MRPL28: variants seen among roughly 807,000 people sequenced by gnomAD.
MRPL28 encodes the protein mitochondrial ribosomal protein L28.
In MRPL28, 25 loss-of-function variants were observed where a neutral mutation model predicts 26.2. That is an observed-to-expected ratio of 0.95 (90% confidence interval 0.69 to 1.33). The LOEUF (loss-of-function observed/expected upper bound fraction) is 1.33. MRPL28 is among the 40% of genes most tolerant of loss of function. The pLI is 0.00. For synonymous variants in MRPL28, 227 were observed against 140.1 expected (o/e 1.62, Z -4.38); for missense variants, 432 against 327.2 (o/e 1.32, Z -2.47).
chr16:368,890 G>T, intron 3 of MRPL28, 178 bp downstream of exon 3: 3 of 1,019,644 alleles, frequency 2.9e-6, no homozygotes, highest in East Asian at 2.6e-5. Context: ...AGCCTCTCCT[G>T]AAGGCAGGAA....
intron 2 of MRPL28, 42 bp from the exon 3 acceptor site, chr16:369,262 C>T: frequency 6.5e-7 from 1 of 1,542,938 alleles, no homozygotes; most frequent in Non-Finnish European, 8.7e-7. Flanking sequence ...GCTGCTTTCT[C>T]TTACATACCA....
chr16:369,332 C>CTT, intron 2 of MRPL28, 112 bp from the exon 3 acceptor site: 1 of 1,367,004 alleles, frequency 7.3e-7, no homozygotes, highest in South Asian at 1.3e-5. Flanking sequence ...AGAACCACTG[C>CTT]TGTCAGACTG....
intron 2 of MRPL28, 131 bp downstream of exon 2, chr16:369,797 TGCC>T (rs2054302756): frequency 3.5e-6 from 4 of 1,153,374 alleles, no homozygotes; most frequent in Non-Finnish European, 4.9e-6. Context: ...CGTGCTCCTT[TGCC>T]GGAGATGTGT....
chr16:369,277 G>A, intron 2 of MRPL28, 57 bp from the exon 3 acceptor site: 1 of 1,438,462 alleles, frequency 7.0e-7, no homozygotes, highest in East Asian at 2.5e-5. Context: ...ATACCAAGGG[G>A]GGCCCAGGCA....
Position 367,282 on chromosome 16 carries a change from C to G in MRPL28, c.*393G>C. On this transcript the variant is annotated 3_prime_UTR_variant, in exon 6 of 6. Transcript: ENST00000199706. ...GCAGCTCACCGGGGGACGGGCACAGCCAGAGTCAATGCCCACGGCTCATCC... is the reference window on the plus strand; with the variant it reads ...GCAGCTCACCGGGGGACGGGCACAGGCAGAGTCAATGCCCACGGCTCATCC... 1 of 585,614 alleles carries G rather than the reference C, an allele frequency of 1.7e-6. No individual in the cohort carries two copies. The highest frequency in any genetic ancestry group is 3.0e-5 in the Admixed American group (1 of 32,802). The allele number at this position is 585,614 out of a possible 1,614,324, so 36.3% of individuals were successfully genotyped here.
Position 367,170 on chromosome 16 carries a change from A to C in MRPL28, c.*505T>G, listed in dbSNP as rs532316773. Among the ~76,000 whole-genome samples, 2 of 152,204 alleles carry C rather than the reference A, an allele frequency of 1.3e-5. No homozygotes were observed. Among genetic ancestry groups the C allele is most frequent in the African/African-American group, 4.8e-5 (2 of 41,522 alleles). ...TAGTGAGTCCAGATCGTGCCACTGC[A>C]CTCCAGCCTGGGTGACTGAGCAAGA... On this transcript the variant is annotated 3_prime_UTR_variant, in exon 6 of 6. Transcript: ENST00000199706.
rs2054270930 is a variant in MRPL28 at position 367,611 on chromosome 16, C to T, written c.*64G>A. On this transcript the variant is annotated 3_prime_UTR_variant, in exon 6 of 6. Transcript: ENST00000199706. ...CTCACAGCTCCCCGGGATCTGTGTC[C>T]TCAGTGCAAAGGGCCTGGCAGGGAA... 6.9e-7 allele frequency: 1 copy of T among 1,446,918 alleles called. No individual in the cohort carries two copies. Among genetic ancestry groups the T allele is most frequent in the Middle Eastern group, 1.8e-4 (1 of 5,540 alleles). 89.6% of individuals were successfully genotyped at this position (1,446,918 alleles called of 1,614,324 possible). A position where few individuals can be genotyped will look rare whatever the true frequency, so the allele number is the denominator to read the frequency against.
chr16:368,898 G>A (rs961125337), intron 3 of MRPL28, 170 bp downstream of exon 3: 12 of 1,054,200 alleles, frequency 1.1e-5, no homozygotes, highest in African/African-American at 9.7e-5. Context: ...CTGAAGGCAG[G>A]AAACCCCACT....
chr16:368,313 T>C lies in MRPL28; in HGVS notation c.663+15A>G. On this transcript the variant is annotated intron_variant, in intron 5 of 5. Transcript: ENST00000199706. ...GCTCTGGGCAGGCAGCATCGGCTGG[T>C]GCTCACACACTCACCTTCTCCTCCA... is the stretch of plus-strand genomic sequence containing the variant. 1 of 1,599,318 alleles carries C rather than the reference T, an allele frequency of 6.3e-7. No individual in the cohort carries two copies.
chr16:370,325 C>T (rs2054314360), intron 1 of MRPL28, 100 bp from the exon 2 acceptor site: 1 of 1,402,042 alleles, frequency 7.1e-7, no homozygotes, highest in African/African-American at 1.5e-5. Flanking sequence ...ACCCCGGCCC[C>T]CGGCTCTCAC....
chr16:368,275 C>T, intron 5 of MRPL28, 53 bp downstream of exon 5: 1 of 1,585,460 alleles, frequency 6.3e-7, no homozygotes, highest in Non-Finnish European at 8.7e-7. Context: ...CACTCCCAGA[C>T]CCTGAACACC....
At chr16:369,330 T>C in intron 2 of MRPL28, 110 bp from the exon 3 acceptor site, 1 of 1,389,710 alleles carries the variant, frequency 7.2e-7, no homozygotes, top group Middle Eastern at 2.3e-4. Flanking sequence ...ACAGAACCAC[T>C]GCTGTCAGAC....
chr16:368,241 G>T, intron 5 of MRPL28, 87 bp downstream of exon 5: 1 of 1,479,404 alleles, frequency 6.8e-7, no homozygotes, highest in Non-Finnish European at 9.4e-7. Context: ...CCAGCCCCTT[G>T]TGCAGGCTCT....
chr16:368,569 C>G lies in MRPL28; in HGVS notation c.508G>C (p.Ala170Pro). The G allele has an allele frequency of 1.3e-6, 2 of 1,595,690 alleles. No individual in the cohort carries two copies. Among genetic ancestry groups the G allele is most frequent in the Non-Finnish European group, 1.7e-6 (2 of 1,169,518 alleles). The change falls in exon 4 of 6, where the codon GCC becomes CCC. Residue 170 changes from alanine (A) to proline (P), a missense_variant. Ala to Pro is a conservative substitution (Grantham distance 27). Coordinates refer to ENST00000199706, the MANE Select transcript of MRPL28 (RefSeq NM_006428.5). The part of the protein sequence containing the change: ...DLKRGMLLRL[A>P]RQDPQLHPED... ...GGGTGCAGCTGGGGGTCCTGCCGGG[C>G]AAGCCGCAGCAGCATCCCTCGCTTC...
At position 370,198 on chromosome 16, in the gene MRPL28, G is replaced by A. The variant is rs767480988; in HGVS notation, c.21C>T (p.Pro7=). 3.8e-6 allele frequency: 6 copies of A among 1,596,310 alleles called. No individual in the cohort carries two copies. Among genetic ancestry groups the A allele is most frequent in the African/African-American group, 2.7e-5 (2 of 74,590 alleles). The change falls in exon 2 of 6, where the codon CCC becomes CCT. Residue 7 remains proline (P), a synonymous_variant. Transcript: ENST00000199706. MPLHKY[P]VWLWKRLQLR... is the part of the protein sequence containing the mutation. The stretch of plus-strand genomic sequence containing the variant: ...GCTGCAGCCGCTTCCAGAGCCACAC[G>A]GGATACTTGTGTAGAGGCATCGCGA...
rs1802752 is a variant in MRPL28, at chr16:369,154, G to C, written c.355C>G (p.Leu119Val). The change falls in exon 3 of 6, where the codon CTG becomes GTG. Residue 119 changes from leucine (L) to valine (V), a missense_variant. Physicochemically the swap from Leu to Val is conservative, Grantham distance 32. Transcript: ENST00000199706. ...LFEREFYSEI[L>V]DKKFTVTVTM... ...ACAGTCACTGTGAACTTCTTGTCCA[G>C]GATCTCACTGTAGAACTCTCGCTCA... The C allele has an allele frequency of 6.2e-7, 1 of 1,613,978 alleles. No homozygotes were observed. The highest frequency in any genetic ancestry group is 2.2e-5 in the East Asian group (1 of 44,868).
rs191277199 is a variant in MRPL28, at chr16:368,002, T to C, written c.664-220A>G. ...TGTGGTCATGGATAAACAGAGGGAATAGGGGCAGCCAGCTGCCATGCCATC... is the reference window on the plus strand; with the variant it reads ...TGTGGTCATGGATAAACAGAGGGAACAGGGGCAGCCAGCTGCCATGCCATC... On this transcript the variant is annotated intron_variant, in intron 5 of 5. Coordinates refer to ENST00000199706, the MANE Select transcript of MRPL28 (RefSeq NM_006428.5). 3.6e-3 allele frequency among the ~76,000 whole-genome samples: 547 copies of C among 152,312 alleles called. 3 individuals carry two copies. Among genetic ancestry groups the C allele is most frequent in the Non-Finnish European group, 6.1e-3 (414 of 68,026 alleles).
In MRPL28 at chr16:368,796, G is replaced by A. The variant is rs961051458; in HGVS notation, c.442-161C>T. On this transcript the variant is annotated intron_variant, in intron 3 of 5. Transcript: ENST00000199706. ...CACCCCAGCCTGGGGGGTGGGATCA[G>A]CACAGAAGCAAGTCCAAGTGCAGGG... The A allele has an allele frequency of 1.1e-5, 13 of 1,201,934 alleles. No homozygotes were observed. The Admixed American group carries it at 3.7e-4, about 34-fold the overall frequency. The allele number at this position is 1,201,934 out of a possible 1,614,324, so 74.5% of individuals were successfully genotyped here.
In MRPL28 at chr16:368,512, C is replaced by T. The variant is rs369167487; in HGVS notation, c.565G>A (p.Asp189Asn). ...ACGGAAACCCTCACCTTGTACTTGT[C>T]GTAGATGGCTGCCCGCCGCTCGGGG... The part of the protein sequence containing the change: ...EDPERRAAIY[D>N]KYKEFAIPEE... Residue 189 changes from aspartate (D) to asparagine (N), a missense_variant, in exon 4 of 6, where the codon GAC becomes AAC. By Grantham distance (23) the Asp-to-Asn change is conservative. Transcript: ENST00000199706. 56 of 1,597,676 alleles carry T rather than the reference C, an allele frequency of 3.5e-5. No individual in the cohort carries two copies. The highest frequency in any genetic ancestry group is 4.0e-5 in the African/African-American group (3 of 74,592).
Sources: gnomAD v4.1 joint callset for allele counts (sites outside exome capture counted in the v4.1 genomes callset) on GRCh38, gnomAD v4.1.1 for gene constraint, MANE v1.5 for transcripts, NCBI Gene and HGNC (gene_info 2026-07-23, HGNC 2026-07-21) for gene names.